SLC25A33: variants seen among roughly 807,000 people sequenced by gnomAD.
SLC25A33 encodes the protein bone marrow stromal cell mitochondrial carrier protein.
A neutral mutation model predicts 35.5 loss-of-function variants in SLC25A33; 15 were observed. That is an observed-to-expected ratio of 0.42 (90% CI 0.28 to 0.65). The LOEUF (loss-of-function observed/expected upper bound fraction) is 0.65. Among genes scored for constraint, SLC25A33 ranks in the 30% least tolerant of loss-of-function variants. The pLI is 0.20. For synonymous variants in SLC25A33, 136 were observed against 148.7 expected, an observed-to-expected ratio of 0.91 and a Z score of 0.62; for missense variants, 257 against 398.5, an observed-to-expected ratio of 0.64 and a Z score of 3.02.
At position 9,570,378 on chromosome 1, in the gene SLC25A33, GA is replaced by G. The variant is rs778043342; in HGVS notation, c.415+22del. ...CTGCAGGTATGTTACCCTAGTGAGT[GA>G]AGAGAGGGTCTCTCTCTCACTTTTC... is the stretch of plus-strand genomic sequence containing the variant. On this transcript the variant is annotated intron_variant, in intron 4 of 6. Coordinates refer to ENST00000302692, the MANE Select transcript of SLC25A33 (RefSeq NM_032315.3). 2 of 1,586,896 alleles carry G rather than the reference GA, an allele frequency of 1.3e-6. No individual in the cohort carries two copies. Among genetic ancestry groups the G allele is most frequent in the African/African-American group, 1.3e-5 (1 of 74,262 alleles).
intron 1 of SLC25A33, 99 bp downstream of exon 1, chr1:9,539,846 TC>T: frequency 2.7e-6 from 3 of 1,119,378 alleles, no homozygotes; most frequent in Non-Finnish European, 2.3e-6. Flanking sequence ...TTACCGGCCT[TC>T]CCCGGGCTAC....
At chr1:9,544,594 C>G (rs1246493754) in intron 1 of SLC25A33, among the ~76,000 whole-genome samples, 1 of 151,610 alleles carries the variant, frequency 6.6e-6, no homozygotes, top group Non-Finnish European at 1.5e-5. Context: ...GTAAAACTTT[C>G]CAAGAATTTA....
intron 5 of SLC25A33, among the ~76,000 whole-genome samples, chr1:9,574,728 TA>T (rs1214814934): frequency 6.6e-6 from 1 of 152,138 alleles, no homozygotes; most frequent in Non-Finnish European, 1.5e-5. Context: ...TGAAATAAAA[TA>T]AACTATGAAG....
intron 5 of SLC25A33, chr1:9,577,116 A>T (rs1248208528): frequency 2.0e-6 from 1 of 493,448 alleles, no homozygotes; most frequent in Non-Finnish European, 3.6e-6. Flanking sequence ...GCGGCAGAGA[A>T]GAGTCTTTTG....
At chr1:9,556,943 T>C (rs984026082) in intron 2 of SLC25A33, among the ~76,000 whole-genome samples, 6 of 152,182 alleles carry the variant, frequency 3.9e-5, no homozygotes, top group Admixed American at 1.3e-4. Flanking sequence ...ATTAATTAAT[T>C]TTGGGTTTTT....
chr1:9,554,634 C>T (rs1643315625), intron 2 of SLC25A33, among the ~76,000 whole-genome samples: 1 of 152,176 alleles, frequency 6.6e-6, no homozygotes, highest in South Asian at 2.1e-4. Flanking sequence ...GCTGGGATTA[C>T]AGGCGTGAGC....
At chr1:9,540,081 G>A (rs1643054446) in intron 1 of SLC25A33, among the ~76,000 whole-genome samples, 1 of 152,154 alleles carries the variant, frequency 6.6e-6, no homozygotes, top group Admixed American at 6.5e-5. Flanking sequence ...GCTGTGGCGC[G>A]GCCCCCCCTC....
intron 2 of SLC25A33, 41 bp from the exon 3 acceptor site, chr1:9,567,243 G>A (rs751234909): frequency 6.5e-7 from 1 of 1,549,984 alleles, no homozygotes; most frequent in South Asian, 1.1e-5. Context: ...AATAGGCCTT[G>A]CCTGAGGGGT....
chr1:9,569,355 CAGAA>C (rs1162796493), intron 3 of SLC25A33, among the ~76,000 whole-genome samples: 3 of 151,974 alleles, frequency 2.0e-5, no homozygotes, highest in Non-Finnish European at 4.4e-5. Flanking sequence ...TATTTAAAGA[CAGAA>C]AGTACTAGTC....
intron 1 of SLC25A33, among the ~76,000 whole-genome samples, chr1:9,540,057 G>A (rs1419213789): frequency 4.6e-5 from 7 of 151,970 alleles, no homozygotes; most frequent in Admixed American, 2.0e-4. Flanking sequence ...GCTCGGCGGC[G>A]GTCCAGCCTG....
intron 2 of SLC25A33, among the ~76,000 whole-genome samples, chr1:9,559,413 A>C (rs1643389015): frequency 6.6e-6 from 1 of 152,162 alleles, no homozygotes; most frequent in South Asian, 2.1e-4. Flanking sequence ...TTGCATATAA[A>C]GGGCTTAACA....
chr1:9,568,802 G>T (rs958866158), intron 3 of SLC25A33, among the ~76,000 whole-genome samples: 8 of 151,758 alleles, frequency 5.3e-5, no homozygotes, highest in Non-Finnish European at 1.2e-4. Flanking sequence ...AGTGAGCTGA[G>T]ATCGCTGCAC....
At chr1:9,567,051 A>G (rs2100398872) in intron 2 of SLC25A33, among the ~76,000 whole-genome samples, 1 of 152,076 alleles carries the variant, frequency 6.6e-6, no homozygotes, top group African/African-American at 2.4e-5. Flanking sequence ...AAAGGGAGAG[A>G]AAGAAAATAT....
intron 1 of SLC25A33, among the ~76,000 whole-genome samples, chr1:9,541,708 GT>G (rs1213039421): frequency 4.2e-5 from 6 of 143,140 alleles, no homozygotes; most frequent in African/African-American, 1.6e-4. Flanking sequence ...TGTCTCACAC[GT>G]TTTTTAAGCC....
In SLC25A33 at chr1:9,539,653, CG is replaced by C; in HGVS notation, c.-38del. Reference sequence around the variant, plus strand: ...CATCCCTCGAGCCGCCACGCGCTCTCGCCACCGGGCGGCGACGGGCCGCGGA... The same window carrying C: ...CATCCCTCGAGCCGCCACGCGCTCTCCCACCGGGCGGCGACGGGCCGCGGA... On this transcript the variant is annotated 5_prime_UTR_variant, in exon 1 of 7. Coordinates refer to ENST00000302692, the MANE Select transcript of SLC25A33 (RefSeq NM_032315.3). 1 of 1,331,110 alleles carries C rather than the reference CG, an allele frequency of 7.5e-7. No individual in the cohort carries two copies. The highest frequency in any genetic ancestry group is 9.6e-7 in the Non-Finnish European group (1 of 1,043,024). 82.5% of individuals were successfully genotyped at this position (1,331,110 alleles called of 1,614,324 possible).
chr1:9,573,328 T>A lies in SLC25A33; in HGVS notation c.416-18T>A. 6 of 1,502,290 alleles carry A rather than the reference T, an allele frequency of 4.0e-6. No homozygotes were observed. Among genetic ancestry groups the A allele is most frequent in the Non-Finnish European group, 5.5e-6 (6 of 1,086,494 alleles). 93.1% of individuals were successfully genotyped at this position (1,502,290 alleles called of 1,614,324 possible). A position where few individuals can be genotyped will look rare whatever the true frequency, so the allele number is the denominator to read the frequency against. On this transcript the variant is annotated intron_variant, in intron 4 of 6. Coordinates refer to ENST00000302692, the MANE Select transcript of SLC25A33 (RefSeq NM_032315.3). ...GACTATGTACAGTGTTGACCTTTAC[T>A]GTTTTTTTTTTTTCCAGCTTTTATC...
At chr1:9,564,615 A>G (rs985584679) in intron 2 of SLC25A33, among the ~76,000 whole-genome samples, 2 of 151,786 alleles carry the variant, frequency 1.3e-5, no homozygotes, top group Middle Eastern at 3.4e-3. Context: ...GGGTGGGCAC[A>G]GTGGCTCATG....
chr1:9,560,166 C>G (rs1441169450), intron 2 of SLC25A33, among the ~76,000 whole-genome samples: 7 of 151,030 alleles, frequency 4.6e-5, no homozygotes, highest in Non-Finnish European at 8.8e-5. Flanking sequence ...GCAAGAGAAT[C>G]ACTTGAACCT....
At chr1:9,565,258 T>A (rs1445393962) in intron 2 of SLC25A33, among the ~76,000 whole-genome samples, 12 of 152,338 alleles carry the variant, frequency 7.9e-5, no homozygotes, top group Middle Eastern at 6.8e-3. Flanking sequence ...GGCTCTCGCC[T>A]GTAATCCCAG....
Sources: allele counts gnomAD v4.1 joint callset (sites outside exome capture counted in the v4.1 genomes callset), GRCh38; gene constraint gnomAD v4.1.1; transcripts MANE v1.5; gene names NCBI Gene and HGNC (gene_info 2026-07-23, HGNC 2026-07-21).